ST7: variants seen among roughly 807,000 people sequenced by gnomAD.
ST7 encodes the protein suppressor of tumorigenicity 7 protein.
ST7 carries 28 observed loss-of-function variants against 78.7 expected under a neutral mutation model. That is an observed-to-expected ratio of 0.36 (90% confidence interval 0.26 to 0.49). The LOEUF (loss-of-function observed/expected upper bound fraction) is 0.49. Ranked by LOEUF, ST7 falls within the 20% of genes least tolerant of loss-of-function variation. The probability of loss-of-function intolerance (pLI) is 0.99; values close to 1 mark genes in which losing one functional copy is unlikely to be tolerated. For synonymous variants in ST7, 247 were observed against 249.6 expected, an observed-to-expected ratio of 0.99 and a Z score of 0.10; for missense variants, 418 against 696.0, an observed-to-expected ratio of 0.60 and a Z score of 4.49.
At chr7:117,131,149 T>C (rs745925241) in intron 5 of ST7, among the ~76,000 whole-genome samples, 14 of 151,976 alleles carry the variant, frequency 9.2e-5, no homozygotes, top group Non-Finnish European at 1.9e-4. Flanking sequence ...AAATTTTTTG[T>C]TATAAAATTT....
chr7:117,005,326 A>G (rs1196211887), intron 1 of ST7, among the ~76,000 whole-genome samples: 1 of 152,146 alleles, frequency 6.6e-6, no homozygotes. Context: ...AAAATCTAAT[A>G]TTATTTTAAC....
chr7:117,011,418 A>G (rs993011165), intron 1 of ST7, among the ~76,000 whole-genome samples: 2 of 152,134 alleles, frequency 1.3e-5, no homozygotes, highest in African/African-American at 4.8e-5. Flanking sequence ...CTCTGACTGT[A>G]ATTGGTTTAA....
At chr7:117,097,908 A>ATATTTTT in intron 1 of ST7, among the ~76,000 whole-genome samples, 1 of 30,012 alleles carries the variant, frequency 3.3e-5, no homozygotes, top group African/African-American at 1.6e-4. Flanking sequence ...ATATATATAT[A>ATATTTTT]TTTTTTTTTT....
At chr7:116,974,276 C>T (rs1253227604) in intron 1 of ST7, among the ~76,000 whole-genome samples, 1 of 151,414 alleles carries the variant, frequency 6.6e-6, no homozygotes, top group Non-Finnish European at 1.5e-5. Flanking sequence ...TTAGTATATG[C>T]TTTTTCTTTT....
At chr7:117,096,628 G>A (rs2429010) in intron 1 of ST7, among the ~76,000 whole-genome samples, 13,271 of 152,174 alleles carry the variant, frequency 0.087, 747 homozygotes, top group African/African-American at 0.15. Flanking sequence ...AAGACAAGGC[G>A]AATAATATTG....
chr7:116,998,670 T>G (rs561915109), intron 1 of ST7, among the ~76,000 whole-genome samples: 1 of 152,400 alleles, frequency 6.6e-6, no homozygotes, highest in South Asian at 2.1e-4. Flanking sequence ...TGCCAGACAC[T>G]TTGCTTTTCT....
intron 1 of ST7, among the ~76,000 whole-genome samples, chr7:117,037,053 G>A (rs907676399): frequency 6.6e-6 from 1 of 152,146 alleles, no homozygotes. Flanking sequence ...CAATACAAGT[G>A]GAGAGAGCAG....
chr7:116,973,417 C>A (rs1379763553), intron 1 of ST7, among the ~76,000 whole-genome samples: 1 of 152,152 alleles, frequency 6.6e-6, no homozygotes, highest in Non-Finnish European at 1.5e-5. Flanking sequence ...GCCACCACGT[C>A]AGACTACTTT....
rs1793690905 is a variant in ST7 at position 117,230,018 on chromosome 7, AC to A, written c.*162del. Reference sequence around the variant, plus strand: ...CCATATTAAAAGCTGTTTTTGTTGTACAAAATTCACTGATGTTCAGTTCTAT... The same window carrying A: ...CCATATTAAAAGCTGTTTTTGTTGTAAAAATTCACTGATGTTCAGTTCTAT... On this transcript the variant is annotated 3_prime_UTR_variant, in exon 16 of 16. Transcript: ENST00000323984. 1 of 757,168 alleles carries A rather than the reference AC, an allele frequency of 1.3e-6. No individual in the cohort carries two copies. Among genetic ancestry groups the A allele is most frequent in the Non-Finnish European group, 2.4e-6 (1 of 415,980 alleles). The allele number at this position is 757,168 out of a possible 1,614,324, so 46.9% of individuals were successfully genotyped here.
intron 2 of ST7, among the ~76,000 whole-genome samples, chr7:117,113,426 A>G (rs1802593106): frequency 6.6e-6 from 1 of 152,070 alleles, no homozygotes; most frequent in Non-Finnish European, 1.5e-5. Context: ...AGAGGGAAAG[A>G]GAAAAGAAAA....
chr7:117,228,656 C>T (rs1474539894), intron 15 of ST7, among the ~76,000 whole-genome samples: 1 of 152,116 alleles, frequency 6.6e-6, no homozygotes, highest in African/African-American at 2.4e-5. Flanking sequence ...GACCCACAGT[C>T]CACAGAACAT....
intron 1 of ST7, among the ~76,000 whole-genome samples, chr7:117,006,153 T>C (rs1454402172): frequency 6.6e-6 from 1 of 152,242 alleles, no homozygotes; most frequent in Non-Finnish European, 1.5e-5. Context: ...GGTTGATTTA[T>C]AGTAGAGTCA....
At chr7:117,200,673 T>C (rs1025248589) in intron 12 of ST7, among the ~76,000 whole-genome samples, 2 of 152,052 alleles carry the variant, frequency 1.3e-5, no homozygotes, top group South Asian at 2.1e-4. Flanking sequence ...CAGACTGGGC[T>C]TGACACAATA....
intron 1 of ST7, chr7:116,972,916 C>G: frequency 7.6e-7 from 1 of 1,318,914 alleles, no homozygotes; most frequent in Non-Finnish European, 1.1e-6. Context: ...AGCCATGGTG[C>G]CCACTCAGCT....
At chr7:117,161,368 T>C (rs1330169260) in intron 9 of ST7, among the ~76,000 whole-genome samples, 2 of 152,062 alleles carry the variant, frequency 1.3e-5, no homozygotes, top group Admixed American at 1.3e-4. Context: ...GAATTTAAAA[T>C]AAGTAATAAT....
intron 9 of ST7, among the ~76,000 whole-genome samples, chr7:117,157,665 C>T (rs967033791): frequency 6.6e-6 from 1 of 152,166 alleles, no homozygotes; most frequent in South Asian, 2.1e-4. Flanking sequence ...CTGCCAAACA[C>T]AATGATAGTG....
At chr7:117,192,887 C>T (rs1334963761) in intron 12 of ST7, among the ~76,000 whole-genome samples, 2 of 152,138 alleles carry the variant, frequency 1.3e-5, no homozygotes, top group Non-Finnish European at 2.9e-5. Context: ...AAAGTGGAAA[C>T]ATTTCAAATA....
intron 1 of ST7, among the ~76,000 whole-genome samples, chr7:117,062,256 CA>C (rs1451954571): frequency 2.0e-5 from 3 of 152,134 alleles, no homozygotes; most frequent in Non-Finnish European, 4.4e-5. Context: ...GCCCCATCTC[CA>C]AATACCATCA....
chr7:117,228,011 G>A (rs146882122), intron 15 of ST7, among the ~76,000 whole-genome samples: 3 of 152,226 alleles, frequency 2.0e-5, no homozygotes, highest in African/African-American at 4.8e-5. Flanking sequence ...TCTTCTAACT[G>A]TCCTAGCTAA....
Sources: allele counts gnomAD v4.1 joint callset (sites outside exome capture counted in the v4.1 genomes callset), GRCh38; gene constraint gnomAD v4.1.1; transcripts MANE v1.5; gene names NCBI Gene and HGNC (gene_info 2026-07-23, HGNC 2026-07-21).